ACTN1: variants seen among roughly 807,000 people sequenced by gnomAD.
The protein encoded by ACTN1 is alpha-actinin-1.
In ACTN1, 30 loss-of-function variants were observed where a neutral mutation model predicts 119.6. That is an observed-to-expected ratio of 0.25 (90% confidence interval 0.19 to 0.34). ACTN1 has a LOEUF of 0.34. ACTN1 is among the 10% of genes least tolerant of loss of function. ACTN1 has a pLI of 1.00. For synonymous variants in ACTN1, 429 were observed against 472.6 expected, an observed-to-expected ratio of 0.91 and a Z score of 1.20; for missense variants, 764 against 1,223.4, an observed-to-expected ratio of 0.62 and a Z score of 5.60.
intron 1 of ACTN1, chr14:68,977,287 A>G (rs2037091723): frequency 6.6e-6 from 1 of 152,174 alleles, no homozygotes; most frequent in Non-Finnish European, 1.5e-5. Flanking sequence ...TTACTCACTC[A>G]CTTTTCAGTT....
At chr14:68,972,769 C>T (rs771820266) in intron 1 of ACTN1, among the ~76,000 whole-genome samples, 12 of 152,220 alleles carry the variant, frequency 7.9e-5, no homozygotes, top group Admixed American at 1.3e-4. Flanking sequence ...TTGCTGGCTG[C>T]GTGGGCCTGG....
In ACTN1 at chr14:68,885,331, C is replaced by CCAA; in HGVS notation, c.1385+93_1385+94insTTG. ...GGCACCCACCTGTACCCACCCTCCC[C>CCAA]ATCTTCCACGGCCACACCCCCACCT... On this transcript the variant is annotated intron_variant, in intron 12 of 21. Transcript: ENST00000394419. The surrounding 1 kb of genome is among the most constrained non-coding windows in gnomAD (Gnocchi z 5.6). 9.0e-6 allele frequency: 13 copies of CCAA among 1,443,890 alleles called. No homozygotes were observed. Among genetic ancestry groups the CCAA allele is most frequent in the Admixed American group, 2.3e-5 (1 of 43,018 alleles). 89.4% of individuals were successfully genotyped at this position (1,443,890 alleles called of 1,614,324 possible). A position where few individuals can be genotyped will look rare whatever the true frequency, so the allele number is the denominator to read the frequency against.
intron 1 of ACTN1, among the ~76,000 whole-genome samples, chr14:68,950,462 G>GTGTGTGTGTGTATATATATATA: frequency 2.1e-4 from 26 of 125,938 alleles, no homozygotes; most frequent in South Asian, 1.1e-3. Context: ...ATGCGTGTGT[G>GTGTGTGTGTGTATATATATATA]TATATATATA....
Position 68,888,266 on chromosome 14 carries a change from G to T in ACTN1, c.1234+1873C>A, listed in dbSNP as rs1158638046. The T allele has an allele frequency of 3.6e-5, 12 of 332,796 alleles. No homozygotes were observed. In the East Asian group the frequency reaches 9.3e-4, roughly 26 times the overall value. The allele number at this position is 332,796 out of a possible 1,614,324, so 20.6% of individuals were successfully genotyped here. ...AAATTGGTAGAACTGAATACATGTG[G>T]CCAAACTGCTTTCCCCAGAGGCTGT... On this transcript the variant is annotated intron_variant, in intron 11 of 21. Coordinates refer to ENST00000394419, the MANE Select transcript of ACTN1 (RefSeq NM_001130004.2).
Position 68,879,947 on chromosome 14 carries a change from G to A in ACTN1, c.2280+15C>T. ...TTGGGGGCTGCACTAAGAAAGCACA[G>A]GATGGGGCTCTCACCCGGTCAAAGT... On this transcript the variant is annotated intron_variant, in intron 18 of 21. Transcript: ENST00000394419. This position sits in a 1 kb window ranked among gnomAD's most constrained non-coding sequence, Gnocchi z 4.9. The A allele has an allele frequency of 6.2e-7, 1 of 1,613,598 alleles. No homozygotes were observed. The highest frequency in any genetic ancestry group is 8.5e-7 in the Non-Finnish European group (1 of 1,179,580).
Position 68,885,020 on chromosome 14 carries a change from G to GC in ACTN1, c.1386-138dup, listed in dbSNP as rs1292249911. Reference sequence around the variant, plus strand: ...GCGCTCCCTTCAAGAGACCTTCCAGGCACTCCTTCCACCCCTCCCCTCTTT... The same window carrying GC: ...GCGCTCCCTTCAAGAGACCTTCCAGGCCACTCCTTCCACCCCTCCCCTCTTT... On this transcript the variant is annotated intron_variant, in intron 12 of 21. Transcript: ENST00000394419. This position sits in a 1 kb window ranked among gnomAD's most constrained non-coding sequence, Gnocchi z 5.6. 1.5e-6 allele frequency: 1 copy of GC among 684,896 alleles called. No individual in the cohort carries two copies. The highest frequency in any genetic ancestry group is 2.5e-6 in the Non-Finnish European group (1 of 397,112). The allele number at this position is 684,896 out of a possible 1,614,324, so 42.4% of individuals were successfully genotyped here. A position where few individuals can be genotyped will look rare whatever the true frequency, so the allele number is the denominator to read the frequency against.
intron 1 of ACTN1, among the ~76,000 whole-genome samples, chr14:68,976,623 C>G (rs2037070791): frequency 1.3e-5 from 2 of 152,242 alleles, no homozygotes; most frequent in South Asian, 4.1e-4. Flanking sequence ...CTCCTGGTTC[C>G]CAGATGCTCT....
At chr14:68,973,748 T>G (rs1359463048) in intron 1 of ACTN1, 1 of 152,096 alleles carries the variant, frequency 6.6e-6, no homozygotes, top group Admixed American at 6.5e-5. Context: ...AAACAGTACT[T>G]AGGAGGCCAC....
chr14:68,958,040 G>A (rs1045089844), intron 1 of ACTN1, among the ~76,000 whole-genome samples: 4 of 152,188 alleles, frequency 2.6e-5, no homozygotes, highest in Admixed American at 1.3e-4. Flanking sequence ...TTCTCACACC[G>A]AAGCGCATCA....
At chr14:68,972,575 G>A (rs2036923364) in intron 1 of ACTN1, among the ~76,000 whole-genome samples, 1 of 152,242 alleles carries the variant, frequency 6.6e-6, no homozygotes, top group South Asian at 2.1e-4. Context: ...TTGTGAGGTT[G>A]TGAAACCACC....
In ACTN1 at chr14:68,909,892, G is replaced by T; in HGVS notation, c.515+63C>A. ...AGCTGAGACTGACCCAGCCAAGGGG[G>T]TCTGGGAGCTCCCGGGGGAGGCAGC... On this transcript the variant is annotated intron_variant, in intron 5 of 21. Coordinates refer to ENST00000394419, the MANE Select transcript of ACTN1 (RefSeq NM_001130004.2). The surrounding 1 kb of genome is among the most constrained non-coding windows in gnomAD (Gnocchi z 4.1). The T allele has an allele frequency of 6.9e-7, 1 of 1,444,794 alleles. No homozygotes were observed. Among genetic ancestry groups the T allele is most frequent in the Non-Finnish European group, 9.7e-7 (1 of 1,030,852 alleles). 89.5% of individuals were successfully genotyped at this position (1,444,794 alleles called of 1,614,324 possible).
intron 1 of ACTN1, among the ~76,000 whole-genome samples, chr14:68,960,955 C>A (rs922399687): frequency 2.6e-5 from 4 of 152,100 alleles, no homozygotes; most frequent in African/African-American, 9.7e-5. Context: ...GTAGTCCCAG[C>A]TACTCAGAGG....
intron 1 of ACTN1, among the ~76,000 whole-genome samples, chr14:68,941,811 T>C (rs893534860): frequency 5.9e-5 from 9 of 152,128 alleles, no homozygotes; most frequent in Non-Finnish European, 1.0e-4. Flanking sequence ...GGGGACACCT[T>C]GGCACCCAGT....
rs201547909 is a variant in ACTN1, at chr14:68,909,920, G to T, written c.515+35C>A. The T allele has an allele frequency of 1.3e-6, 2 of 1,593,434 alleles. No homozygotes were observed. The highest frequency in any genetic ancestry group is 1.1e-5 in the South Asian group (1 of 90,466). On this transcript the variant is annotated intron_variant, in intron 5 of 21. Transcript: ENST00000394419. The surrounding 1 kb of genome is among the most constrained non-coding windows in gnomAD (Gnocchi z 4.1). ...TGGGAGCTCCCGGGGGAGGCAGCCT[G>T]GTTCTGTGAGAGCCCCTCAGACCCC... is the stretch of plus-strand genomic sequence containing the variant.
At chr14:68,950,479 A>ATATATATATATATATATATATAT (rs1566667536) in intron 1 of ACTN1, among the ~76,000 whole-genome samples, 5 of 92,688 alleles carry the variant, frequency 5.4e-5, no homozygotes, top group African/African-American at 2.4e-4. Context: ...TATATATATA[A>ATATATATATATATATATATATAT]ATCAAACATA....
chr14:68,928,360 C>T (rs781347932), intron 1 of ACTN1, among the ~76,000 whole-genome samples: 1 of 152,128 alleles, frequency 6.6e-6, no homozygotes, highest in Non-Finnish European at 1.5e-5. Context: ...ACTAAAACCC[C>T]CAATCCTCAG....
At chr14:68,914,687 T>C in intron 3 of ACTN1, among the ~76,000 whole-genome samples, 1 of 152,126 alleles carries the variant, frequency 6.6e-6, no homozygotes, top group East Asian at 1.9e-4. Flanking sequence ...GACTGGGGAC[T>C]GAGCCCAGGA....
At chr14:68,908,681 C>T (rs7143751) in intron 6 of ACTN1, among the ~76,000 whole-genome samples, 26,681 of 151,998 alleles carry the variant, frequency 0.18, 3,174 homozygotes, top group East Asian at 0.63. Flanking sequence ...CCAGGACAGG[C>T]TTCTCCAAGG....
intron 1 of ACTN1, chr14:68,947,386 G>A (rs1023233448): frequency 6.6e-6 from 1 of 152,250 alleles, no homozygotes; most frequent in African/African-American, 2.4e-5. Flanking sequence ...GCCAGCTTGG[G>A]TGGTTTACAT....
Sources: allele counts gnomAD v4.1 joint callset (sites outside exome capture counted in the v4.1 genomes callset), GRCh38; gene constraint gnomAD v4.1.1; non-coding constraint Gnocchi (gnomAD v3.1); transcripts MANE v1.5; gene names NCBI Gene and HGNC (gene_info 2026-07-23, HGNC 2026-07-21).